NAV3: variants seen among roughly 807,000 people sequenced by gnomAD.
NAV3 encodes pore membrane and/or filament interacting like protein 1.
In NAV3, 87 loss-of-function variants were observed where a neutral mutation model predicts 244.7. The observed-to-expected ratio is 0.36, with a 90% confidence interval of 0.30 to 0.42. The LOEUF (loss-of-function observed/expected upper bound fraction) is 0.42. Among genes scored for constraint, NAV3 ranks in the 20% least tolerant of loss-of-function variants. NAV3 has a pLI of 1.00. For missense variants in NAV3, 2,663 were observed against 2,893.3 expected, an observed-to-expected ratio of 0.92 and a Z score of 1.83; for synonymous variants, 1,126 against 1,042.2, an observed-to-expected ratio of 1.08 and a Z score of -1.55.
chr12:77,659,642 T>C (rs1358329840), intron 2 of NAV3, among the ~76,000 whole-genome samples: 1 of 152,160 alleles, frequency 6.6e-6, no homozygotes, highest in Non-Finnish European at 1.5e-5. Flanking sequence ...ATCATACTGC[T>C]ATAAAGACAC....
chr12:78,195,354 TTTATTA>T (rs148621116), intron 34 of NAV3, among the ~76,000 whole-genome samples: 3 of 151,596 alleles, frequency 2.0e-5, no homozygotes, highest in East Asian at 3.9e-4. Context: ...TTCAATCCTT[TTTATTA>T]TTATTATTAT....
chr12:77,873,744 G>GTATA (rs556787799), intron 1 of NAV3, among the ~76,000 whole-genome samples: 4,784 of 72,898 alleles, frequency 0.066, 208 homozygotes, highest in Non-Finnish European at 0.09. Flanking sequence ...ATGTGTGTGT[G>GTATA]TATATATATA....
At chr12:78,052,693 C>T (rs1328465599) in intron 11 of NAV3, among the ~76,000 whole-genome samples, 1 of 152,030 alleles carries the variant, frequency 6.6e-6, no homozygotes, top group Non-Finnish European at 1.5e-5. Context: ...GCCTAGGAGG[C>T]AATGCCCAGT....
At chr12:77,633,836 T>A (rs1235620331) in intron 2 of NAV3, among the ~76,000 whole-genome samples, 1 of 152,170 alleles carries the variant, frequency 6.6e-6, no homozygotes, top group African/African-American at 2.4e-5. Context: ...ATTATTAGAA[T>A]GCTAATTAAA....
intron 5 of NAV3, among the ~76,000 whole-genome samples, chr12:77,983,827 T>C (rs143532748): frequency 1.3e-3 from 201 of 152,332 alleles, no homozygotes; most frequent in African/African-American, 4.6e-3. Flanking sequence ...TGTTTTTCTA[T>C]TGAGAAGTAC....
intron 2 of NAV3, among the ~76,000 whole-genome samples, chr12:77,799,995 A>G (rs990362834): frequency 2.4e-4 from 37 of 152,214 alleles, no homozygotes; most frequent in African/African-American, 8.4e-4. Context: ...CAATTAGATC[A>G]ATGTCCTAAA....
intron 33 of NAV3, among the ~76,000 whole-genome samples, chr12:78,189,318 A>G (rs10506774): frequency 0.011 from 1,665 of 151,966 alleles, 13 homozygotes; most frequent in Middle Eastern, 0.027. Flanking sequence ...ATGTTAAAGA[A>G]TCAGGATACA....
At chr12:78,203,891 T>C (rs538007749) in intron 38 of NAV3, among the ~76,000 whole-genome samples, 1 of 151,834 alleles carries the variant, frequency 6.6e-6, no homozygotes, top group African/African-American at 2.4e-5. Flanking sequence ...CTGCCCTTTC[T>C]AGTTTGGGTT....
Position 78,176,443 on chromosome 12 carries a change from A to G in NAV3, c.5108A>G (p.Asn1703Ser). The G allele has an allele frequency of 6.2e-7, 1 of 1,612,516 alleles. No individual in the cohort carries two copies. The highest frequency in any genetic ancestry group is 1.3e-5 in the African/African-American group (1 of 74,934). The change falls in exon 26 of 40, where the codon AAC (asparagine) becomes AGC (serine). Residue 1703 changes from asparagine to serine, a missense_variant. By Grantham distance (46) the Asn-to-Ser change is conservative. This residue lies in a region of NAV3 where 193 missense variants were observed against 200.7 expected (regional missense o/e 0.96). Transcript: ENST00000397909. ...SKKKKKKNWV[N>S]SRGSELRSSF... ...ACTCTTTCATGTTTCTGCAAGGTGAACTCTAGAGGAAGTGAGGTGAATATA... is the reference window on the plus strand; with the variant it reads ...ACTCTTTCATGTTTCTGCAAGGTGAGCTCTAGAGGAAGTGAGGTGAATATA...
At chr12:78,208,370 C>T (rs984081771) in intron 39 of NAV3, among the ~76,000 whole-genome samples, 3 of 152,104 alleles carry the variant, frequency 2.0e-5, no homozygotes, top group African/African-American at 7.2e-5. Flanking sequence ...CCAACACTGC[C>T]ACAATGGGGA....
intron 1 of NAV3, among the ~76,000 whole-genome samples, chr12:77,938,102 C>A (rs762925149): frequency 1.8e-4 from 28 of 152,042 alleles, no homozygotes; most frequent in Non-Finnish European, 3.7e-4. Context: ...CTTTTTCAAC[C>A]CATGGCCCCA....
intron 1 of NAV3, among the ~76,000 whole-genome samples, chr12:77,841,872 G>C (rs541378423): frequency 6.6e-6 from 1 of 152,168 alleles, no homozygotes; most frequent in South Asian, 2.1e-4. Flanking sequence ...TAAGAGGCTG[G>C]GAATTCCACA....
intron 2 of NAV3, among the ~76,000 whole-genome samples, chr12:77,786,650 T>G (rs1326520998): frequency 6.6e-6 from 1 of 152,208 alleles, no homozygotes; most frequent in African/African-American, 2.4e-5. Flanking sequence ...AAAAAGGTAT[T>G]CTTAAAATTG....
chr12:78,139,613 A>G (rs1224475983), intron 19 of NAV3, among the ~76,000 whole-genome samples: 3 of 152,164 alleles, frequency 2.0e-5, no homozygotes, highest in South Asian at 2.1e-4. Flanking sequence ...GGTTTAGTAC[A>G]TTGGAAGTAT....
At chr12:77,735,770 A>G (rs1471723257) in intron 2 of NAV3, among the ~76,000 whole-genome samples, 1 of 152,214 alleles carries the variant, frequency 6.6e-6, no homozygotes, top group Non-Finnish European at 1.5e-5. Context: ...ATCTATTGTT[A>G]TATCTCCAAA....
At chr12:78,069,576 A>T (rs1952648097) in intron 12 of NAV3, among the ~76,000 whole-genome samples, 1 of 151,936 alleles carries the variant, frequency 6.6e-6, no homozygotes, top group Non-Finnish European at 1.5e-5. Context: ...ATGATTTTTA[A>T]TGATTGCATG....
intron 1 of NAV3, among the ~76,000 whole-genome samples, chr12:77,915,216 A>G (rs1398546477): frequency 6.6e-6 from 1 of 152,002 alleles, no homozygotes; most frequent in East Asian, 1.9e-4. Flanking sequence ...TTAGTGTGTA[A>G]TTAATGCTTA....
chr12:78,128,191 A>C (rs1337858144), intron 17 of NAV3, among the ~76,000 whole-genome samples: 3 of 151,826 alleles, frequency 2.0e-5, no homozygotes, highest in Admixed American at 6.6e-5. Flanking sequence ...CAGTAAAGCG[A>C]GCACATCTCC....
At chr12:77,884,831 ATT>A (rs1348451619) in intron 1 of NAV3, among the ~76,000 whole-genome samples, 1 of 152,098 alleles carries the variant, frequency 6.6e-6, no homozygotes, top group African/African-American at 2.4e-5. Flanking sequence ...TGATTATTTC[ATT>A]GTTTCAGTAA....
Sources: allele counts gnomAD v4.1 joint callset (sites outside exome capture counted in the v4.1 genomes callset), GRCh38; gene constraint gnomAD v4.1.1; regional missense constraint gnomAD v4.1.1; transcripts MANE v1.5; gene names NCBI Gene and HGNC (gene_info 2026-07-23, HGNC 2026-07-21).